Variants in THSD1 observed in about 807,000 individuals in gnomAD.
THSD1 encodes the protein thrombospondin type-1 domain-containing protein 1.
In THSD1, 34 loss-of-function variants were observed where a neutral mutation model predicts 46.3. The observed-to-expected ratio is 0.74, with a 90% CI of 0.56 to 0.98. The LOEUF (loss-of-function observed/expected upper bound fraction) is 0.98, where lower values mean the gene tolerates loss of function less well. Ranked by LOEUF, THSD1 falls within the 50% of genes least tolerant of loss-of-function variation. The pLI is 0.00. For missense variants in THSD1, 1,023 were observed against 1,058.3 expected (o/e 0.97, Z 0.46); for synonymous variants, 407 against 416.5 (o/e 0.98, Z 0.28).
Position 52,397,253 on chromosome 13 carries a change from T to C in THSD1, c.1000A>G (p.Met334Val). 6.2e-7 allele frequency: 1 copy of C among 1,600,360 alleles called. No homozygotes were observed. Among genetic ancestry groups the C allele is most frequent in the Non-Finnish European group, 8.5e-7 (1 of 1,173,794 alleles). Reference protein sequence around the residue: ...RSHFSAKEECMLIQRNTETWG... With the variant: ...RSHFSAKEECVLIQRNTETWG... The stretch of plus-strand genomic sequence containing the variant: ...AAACCTGTATTTCTCTGAATTAGCA[T>C]GCACTCCTCCTTTGCAGAAAAATGG... The change falls in exon 3 of 5, where the codon ATG (methionine) becomes GTG (valine). Residue 334 changes from methionine to valine, a missense_variant. Met to Val is a conservative substitution (Grantham distance 21). This residue lies in a region of THSD1 where 429 missense variants were observed against 518.3 expected (regional missense o/e 0.83). Transcript: ENST00000258613.
intron 4 of THSD1, among the ~76,000 whole-genome samples, chr13:52,380,414 A>G (rs765831512): frequency 2.7e-5 from 4 of 147,360 alleles, no homozygotes; most frequent in African/African-American, 5.1e-5. Flanking sequence ...ACAGAACACC[A>G]CCTTCACCTC....
intron 4 of THSD1, chr13:52,384,507 A>G (rs1957716480): frequency 2.3e-6 from 1 of 430,556 alleles, no homozygotes; most frequent in African/African-American, 2.0e-5. Context: ...AGCTCTCAAG[A>G]GGTCTGAGCC....
At chr13:52,404,451 G>T (rs1244116925) in intron 1 of THSD1, among the ~76,000 whole-genome samples, 2 of 152,134 alleles carry the variant, frequency 1.3e-5, no homozygotes, top group African/African-American at 4.8e-5. Flanking sequence ...AAGGGAAACA[G>T]AGATTTGAAG....
At chr13:52,392,303 A>C (rs1957780004) in intron 3 of THSD1, among the ~76,000 whole-genome samples, 1 of 152,206 alleles carries the variant, frequency 6.6e-6, no homozygotes, top group Non-Finnish European at 1.5e-5. Context: ...CAAATTAATC[A>C]AACAGTAAAC....
rs114336367 is a variant in THSD1, at chr13:52,392,939, T to C, written c.1021+4293A>G. Among the ~76,000 whole-genome samples the C allele has an allele frequency of 1.4e-3, 218 of 152,182 alleles. 1 individual carries two copies. The highest frequency in any genetic ancestry group is 5.0e-3 in the African/African-American group (209 of 41,496). ...TGGGCTCCCAAGTGGTTACGGGTGT[T>C]CCAAGAGATGGGTGGCACAAAATGA... On this transcript the variant is annotated intron_variant, in intron 3 of 4. Transcript: ENST00000258613.
In THSD1 at chr13:52,377,869, C is replaced by A. The variant is rs776500312; in HGVS notation, c.2101G>T (p.Gly701Cys). The change falls in exon 5 of 5, where the codon GGT becomes TGT. Residue 701 changes from glycine to cysteine, a missense_variant. Around this residue, in one of 3 missense-constraint regions of THSD1, gnomAD observed 578 missense variants for 497.4 expected, o/e 1.16. Transcript: ENST00000258613. ...AGTTTTTCAGGAAACAGGTGGGCAC[C>A]TCGACTCTGAGGCCTAAATCTGTCC... is the stretch of plus-strand genomic sequence containing the variant. ...AEDRFRPQSR[G>C]AHLFPEKLEH... 3 of 1,614,212 alleles carry A rather than the reference C, an allele frequency of 1.9e-6. No homozygotes were observed. The Admixed American group carries it at 5.0e-5, about 27-fold the overall frequency.
chr13:52,388,483 T>C (rs977293200), intron 3 of THSD1, among the ~76,000 whole-genome samples: 3 of 152,168 alleles, frequency 2.0e-5, no homozygotes, highest in Non-Finnish European at 4.4e-5. Context: ...TTATTTGTTT[T>C]GTTTTTGTTT....
chr13:52,392,872 G>A (rs1312471512), intron 3 of THSD1, among the ~76,000 whole-genome samples: 4 of 152,206 alleles, frequency 2.6e-5, no homozygotes, highest in Admixed American at 2.6e-4. Flanking sequence ...GCATAGACAA[G>A]GCTTCCTTAT....
intron 1 of THSD1, 55 bp from the exon 2 acceptor site, chr13:52,402,736 G>A (rs1333894426): frequency 7.0e-7 from 1 of 1,429,432 alleles, no homozygotes; most frequent in African/African-American, 1.4e-5. Context: ...TGATAAAATA[G>A]TAATCATTAA....
chr13:52,394,509 GA>G (rs1413276620), intron 3 of THSD1, among the ~76,000 whole-genome samples: 1 of 151,944 alleles, frequency 6.6e-6, no homozygotes, highest in African/African-American at 2.4e-5. Context: ...AGCTACTCAG[GA>G]GGCTGAGGCA....
In THSD1 at chr13:52,397,397, T is replaced by A; in HGVS notation, c.856A>T (p.Thr286Ser). 6.2e-7 allele frequency: 1 copy of A among 1,614,108 alleles called. No individual in the cohort carries two copies. The highest frequency in any genetic ancestry group is 8.5e-7 in the Non-Finnish European group (1 of 1,180,002). ...KEAPRYPGKRTIHLAENSLPL... is the reference protein window; with the variant it reads ...KEAPRYPGKRSIHLAENSLPL... ...AGGCTGTTTTCAGCCAAGTGAATGG[T>A]CCTCTTCCCAGGGTATCTGGGGGCC... Residue 286 changes from threonine to serine, a missense_variant, in exon 3 of 5, where the codon ACC (threonine) becomes TCC (serine). Thr to Ser is a moderately conservative substitution (Grantham distance 58, BLOSUM62 1). Coordinates refer to ENST00000258613, the MANE Select transcript of THSD1 (RefSeq NM_018676.4).
intron 1 of THSD1, among the ~76,000 whole-genome samples, chr13:52,403,870 T>C (rs1957884607): frequency 1.3e-5 from 2 of 151,862 alleles, no homozygotes; most frequent in South Asian, 4.2e-4. Flanking sequence ...TCTAGCAAAC[T>C]ATGTATTAAT....
rs757530009 is a variant in THSD1, at chr13:52,378,487, G to A, written c.1483C>T (p.Pro495Ser). The A allele has an allele frequency of 5.6e-6, 9 of 1,614,078 alleles. No homozygotes were observed. Among genetic ancestry groups the A allele is most frequent in the Admixed American group, 5.0e-5 (3 of 60,002 alleles). Residue 495 changes from proline (P) to serine (S), a missense_variant, in exon 5 of 5, where the codon CCT becomes TCT. Coordinates refer to ENST00000258613, the MANE Select transcript of THSD1 (RefSeq NM_018676.4). ...PTGSPGDTGI[P>S]LTYRRSGPVP... ...GGCCCGCTCCGCCTGTAGGTCAGAG[G>A]GATGCCTGTGTCCCCTGGACTCCCC...
In THSD1 at chr13:52,386,054, G is replaced by A. The variant is rs1324903949; in HGVS notation, c.1154C>T (p.Ser385Phe). 1.2e-6 allele frequency: 2 copies of A among 1,614,088 alleles called. No homozygotes were observed. Among genetic ancestry groups the A allele is most frequent in the Admixed American group, 1.7e-5 (1 of 60,014 alleles). Residue 385 changes from serine (S) to phenylalanine (F), a missense_variant, in exon 4 of 5, where the codon TCC becomes TTC. Physicochemically the swap from Ser to Phe is radical, Grantham distance 155. This residue lies in a region of THSD1 where 429 missense variants were observed against 518.3 expected (regional missense o/e 0.83). Transcript: ENST00000258613. ...AGCACACTCCTCCAGGGAACACAGG[G>A]AGGCCTCCAAGGACATTCCAGGGCA... ...PVCPGMSLEA[S>F]LCSLEECAAF...
At chr13:52,390,175 T>C (rs1298254989) in intron 3 of THSD1, among the ~76,000 whole-genome samples, 1 of 151,888 alleles carries the variant, frequency 6.6e-6, no homozygotes, top group Non-Finnish European at 1.5e-5. Flanking sequence ...AATAATTCTG[T>C]CTATCAGTAC....
At position 52,377,178 on chromosome 13, in the gene THSD1, A is replaced by G; in HGVS notation, c.*233T>C. ...CAGACCAAGCCCCATTTGCTCATTTACATTTTATTATCATTGTTATTACTA... is the reference window on the plus strand; with the variant it reads ...CAGACCAAGCCCCATTTGCTCATTTGCATTTTATTATCATTGTTATTACTA... On this transcript the variant is annotated 3_prime_UTR_variant, in exon 5 of 5. Coordinates refer to ENST00000258613, the MANE Select transcript of THSD1 (RefSeq NM_018676.4). 1 of 1,256,036 alleles carries G rather than the reference A, an allele frequency of 8.0e-7. No individual in the cohort carries two copies. 77.8% of individuals were successfully genotyped at this position (1,256,036 alleles called of 1,614,324 possible).
chr13:52,381,209 T>G (rs1256234340), intron 4 of THSD1, among the ~76,000 whole-genome samples: 1 of 152,178 alleles, frequency 6.6e-6, no homozygotes, highest in Admixed American at 6.5e-5. Context: ...GAAACCATTT[T>G]CCTTCCAACA....
At chr13:52,384,203 AGAAG>A (rs1463187185) in intron 4 of THSD1, 8 of 279,366 alleles carry the variant, frequency 2.9e-5, no homozygotes, top group African/African-American at 7.1e-5. Context: ...AAAAAAAAAA[AGAAG>A]AAGAAGATGC....
chr13:52,402,527 T>C lies in THSD1; in HGVS notation c.58+16A>G. ...TTATTGCTACCAGTAGCGTTAAGTA[T>C]ACTCACAATACTCACCATAGTCACA... is the stretch of plus-strand genomic sequence containing the variant. On this transcript the variant is annotated intron_variant, in intron 2 of 4. Coordinates refer to ENST00000258613, the MANE Select transcript of THSD1 (RefSeq NM_018676.4). The C allele has an allele frequency of 3.1e-6, 5 of 1,610,856 alleles. No homozygotes were observed. Among genetic ancestry groups the C allele is most frequent in the Non-Finnish European group, 4.2e-6 (5 of 1,177,274 alleles).
Sources: gnomAD v4.1 joint callset for allele counts (sites outside exome capture counted in the v4.1 genomes callset) on GRCh38, gnomAD v4.1.1 for gene constraint, gnomAD v4.1.1 regional missense constraint, MANE v1.5 for transcripts, NCBI Gene and HGNC (gene_info 2026-07-23, HGNC 2026-07-21) for gene names.